Variants in WWOX observed in about 807,000 individuals in gnomAD.
WWOX encodes the protein WW domain containing oxidoreductase.
WWOX carries 69 observed loss-of-function variants against 46.2 expected under a neutral mutation model. The ratio of observed to expected loss-of-function variants is 1.49; its 90% CI spans 1.23 to 1.82. WWOX has a LOEUF of 1.82. WWOX is among the 40% of genes most tolerant of loss of function. The pLI is 0.00. For synonymous variants in WWOX, 359 were observed against 202.6 expected (o/e 1.77, Z -6.56); for missense variants, 919 against 542.6 (o/e 1.69, Z -6.89).
intron 8 of WWOX, among the ~76,000 whole-genome samples, chr16:78,571,609 C>G (rs189834426): frequency 6.6e-6 from 1 of 152,304 alleles, no homozygotes; most frequent in African/African-American, 2.4e-5. Flanking sequence ...TGGCTCACAC[C>G]TGTTATCTCC....
chr16:79,183,564 C>G (rs749885690), intron 8 of WWOX, among the ~76,000 whole-genome samples: 3 of 152,170 alleles, frequency 2.0e-5, no homozygotes, highest in Admixed American at 6.5e-5. Context: ...TGTATTCTTA[C>G]TCTCCCTCTC....
intron 5 of WWOX, among the ~76,000 whole-genome samples, chr16:78,279,316 A>C (rs2079636033): frequency 6.6e-6 from 1 of 152,190 alleles, no homozygotes; most frequent in South Asian, 2.1e-4. Flanking sequence ...TTTGCAAATT[A>C]AATGAGTTTC....
At chr16:78,711,613 T>TATAA (rs2048446008) in intron 8 of WWOX, among the ~76,000 whole-genome samples, 1 of 152,210 alleles carries the variant, frequency 6.6e-6, no homozygotes, top group African/African-American at 2.4e-5. Flanking sequence ...TGTGTTTTTA[T>TATAA]AGTGCCATTC....
chr16:78,877,828 C>T (rs1232061143), intron 8 of WWOX, among the ~76,000 whole-genome samples: 1 of 152,136 alleles, frequency 6.6e-6, no homozygotes, highest in East Asian at 1.9e-4. Flanking sequence ...CACTCTACCA[C>T]ACAGCAACAT....
At chr16:78,418,556 A>C (rs141533704) in intron 6 of WWOX, among the ~76,000 whole-genome samples, 1 of 152,304 alleles carries the variant, frequency 6.6e-6, no homozygotes, top group East Asian at 1.9e-4. Context: ...ACAATTTTGT[A>C]CAAAATGCTA....
chr16:78,331,013 T>A (rs185675172), intron 5 of WWOX, among the ~76,000 whole-genome samples: 354 of 152,350 alleles, frequency 2.3e-3, no homozygotes, highest in Non-Finnish European at 3.5e-3. Context: ...TGCTAAAGAT[T>A]GGCGTTAAAT....
chr16:78,553,681 C>T (rs1411546738), intron 8 of WWOX, among the ~76,000 whole-genome samples: 1 of 152,046 alleles, frequency 6.6e-6, no homozygotes, highest in African/African-American at 2.4e-5. Context: ...TCAAAGTTGA[C>T]CATGATAGAG....
intron 8 of WWOX, among the ~76,000 whole-genome samples, chr16:79,062,215 A>C (rs2150550433): frequency 6.6e-6 from 1 of 152,296 alleles, no homozygotes; most frequent in East Asian, 1.9e-4. Context: ...AAGAAGCGTA[A>C]GTGTATCTTA....
intron 5 of WWOX, among the ~76,000 whole-genome samples, chr16:78,233,713 G>C (rs1484007057): frequency 6.6e-6 from 1 of 151,950 alleles, no homozygotes; most frequent in African/African-American, 2.4e-5. Context: ...AGTTTTAGTA[G>C]GGATGGGGTT....
chr16:78,548,082 G>C (rs942028749), intron 8 of WWOX, among the ~76,000 whole-genome samples: 27 of 150,758 alleles, frequency 1.8e-4, no homozygotes, highest in African/African-American at 6.1e-4. Context: ...TTGAACCCAG[G>C]AGGTGGAGGT....
chr16:78,140,259 A>G (rs1037214825), intron 4 of WWOX, among the ~76,000 whole-genome samples: 3 of 152,176 alleles, frequency 2.0e-5, no homozygotes, highest in Non-Finnish European at 4.4e-5. Flanking sequence ...GTCTCTTAAG[A>G]GTAAGCAGAA....
intron 8 of WWOX, among the ~76,000 whole-genome samples, chr16:79,060,765 T>C (rs2048344362): frequency 6.6e-6 from 1 of 152,236 alleles, no homozygotes; most frequent in Admixed American, 6.5e-5. Flanking sequence ...CTCTGTTTTT[T>C]AAGACTCTCA....
intron 6 of WWOX, among the ~76,000 whole-genome samples, chr16:78,412,344 T>G (rs2082701096): frequency 6.6e-6 from 1 of 152,128 alleles, no homozygotes; most frequent in Non-Finnish European, 1.5e-5. Context: ...ACCCTGAATT[T>G]GTGGGAAGGT....
At chr16:78,113,186 A>G (rs1952931112) in intron 3 of WWOX, among the ~76,000 whole-genome samples, 1 of 152,114 alleles carries the variant, frequency 6.6e-6, no homozygotes, top group Non-Finnish European at 1.5e-5. Flanking sequence ...AAAAATGTAC[A>G]TTCCCAGGCC....
At chr16:78,589,201 T>C (rs1442748149) in intron 8 of WWOX, among the ~76,000 whole-genome samples, 1 of 152,142 alleles carries the variant, frequency 6.6e-6, no homozygotes, top group Admixed American at 6.6e-5. Flanking sequence ...TTTTTTAGAG[T>C]TTCTTATTGC....
intron 8 of WWOX, among the ~76,000 whole-genome samples, chr16:78,915,611 T>C (rs564215873): frequency 2.6e-5 from 4 of 152,236 alleles, no homozygotes; most frequent in Admixed American, 1.3e-4. Flanking sequence ...ATTAGCAAAA[T>C]AACAGACAGT....
chr16:78,483,468 G>A (rs1309567759), intron 8 of WWOX, among the ~76,000 whole-genome samples: 1 of 149,350 alleles, frequency 6.7e-6, no homozygotes, highest in African/African-American at 2.5e-5. Context: ...TTTAGCAAAG[G>A]AAGTAAGTGA....
chr16:78,242,973 A>G (rs576961643), intron 5 of WWOX, among the ~76,000 whole-genome samples: 5 of 152,126 alleles, frequency 3.3e-5, no homozygotes, highest in South Asian at 4.2e-4. Context: ...GCACCACTGC[A>G]CTCCAGCCTG....
At chr16:78,881,643 T>G (rs1024218212) in intron 8 of WWOX, among the ~76,000 whole-genome samples, 1 of 152,180 alleles carries the variant, frequency 6.6e-6, no homozygotes, top group African/African-American at 2.4e-5. Context: ...ACATTCTTCT[T>G]AGCTCCATTG....
Sources: gnomAD v4.1 joint callset for allele counts (sites outside exome capture counted in the v4.1 genomes callset) on GRCh38, gnomAD v4.1.1 for gene constraint, MANE v1.5 for transcripts, NCBI Gene and HGNC (gene_info 2026-07-23, HGNC 2026-07-21) for gene names.